The following WDR33 variants were observed in gnomAD, a reference collection of about 807,000 sequenced individuals.
The protein encoded by WDR33 is pre-mRNA 3' end processing protein WDR33.
A neutral mutation model predicts 164.9 loss-of-function variants in WDR33; 47 were observed. The observed-to-expected ratio is 0.29, with a 90% CI of 0.23 to 0.36. The LOEUF (loss-of-function observed/expected upper bound fraction) is 0.36, where lower values mean the gene tolerates loss of function less well. WDR33 is among the 10% of genes least tolerant of loss of function. The pLI is 1.00. For synonymous variants in WDR33, 505 were observed against 589.0 expected, an observed-to-expected ratio of 0.86 and a Z score of 2.06; for missense variants, 1,137 against 1,754.1, an observed-to-expected ratio of 0.65 and a Z score of 6.28.
chr2:127,805,052 A>G (rs906215732), intron 1 of WDR33, among the ~76,000 whole-genome samples: 2 of 135,338 alleles, frequency 1.5e-5, no homozygotes, highest in Non-Finnish European at 3.1e-5. Flanking sequence ...ACGTATCATC[A>G]CCTGTGAAGT....
chr2:127,719,198 T>G lies in WDR33; in HGVS notation c.2760+67A>C. 7.4e-7 allele frequency: 1 copy of G among 1,343,772 alleles called. No individual in the cohort carries two copies. Among genetic ancestry groups the G allele is most frequent in the East Asian group, 2.6e-5 (1 of 38,152 alleles). 83.2% of individuals were successfully genotyped at this position (1,343,772 alleles called of 1,614,324 possible). On this transcript the variant is annotated intron_variant, in intron 16 of 21. Coordinates refer to ENST00000322313, the MANE Select transcript of WDR33 (RefSeq NM_018383.5). The surrounding 1 kb of genome is among the most constrained non-coding windows in gnomAD (Gnocchi z 6.5). The stretch of plus-strand genomic sequence containing the variant: ...CAGCTGTGACCATTTTCCACAATAC[T>G]CAGCAGTATTACTTCTGTGCAGAGT...
chr2:127,752,767 T>C (rs1286176489), intron 7 of WDR33, among the ~76,000 whole-genome samples: 4 of 152,228 alleles, frequency 2.6e-5, no homozygotes, highest in Admixed American at 6.5e-5. Context: ...TAGGAAAATG[T>C]TGGACATGGT....
intron 1 of WDR33, among the ~76,000 whole-genome samples, chr2:127,807,543 AC>A (rs2104693495): frequency 6.6e-6 from 1 of 152,320 alleles, no homozygotes; most frequent in Non-Finnish European, 1.5e-5. Flanking sequence ...TCACACAGAC[AC>A]TAGACTAACT....
At chr2:127,806,878 A>G (rs1389208220) in intron 1 of WDR33, among the ~76,000 whole-genome samples, 1 of 152,230 alleles carries the variant, frequency 6.6e-6, no homozygotes, top group Non-Finnish European at 1.5e-5. Flanking sequence ...CTGCAATTTA[A>G]TTTCAAATCA....
At chr2:127,749,944 T>C (rs1322664216) in intron 7 of WDR33, among the ~76,000 whole-genome samples, 6 of 150,876 alleles carry the variant, frequency 4.0e-5, no homozygotes, top group African/African-American at 1.5e-4. Flanking sequence ...CACACCATTC[T>C]CTCACAGGCT....
intron 1 of WDR33, among the ~76,000 whole-genome samples, chr2:127,788,809 CA>C (rs1688730449): frequency 6.7e-6 from 1 of 148,282 alleles, no homozygotes; most frequent in Non-Finnish European, 1.5e-5. Flanking sequence ...GACCCCCCCC[CA>C]CCTCCCTCCC....
chr2:127,806,210 C>CTTT (rs200197402), intron 1 of WDR33, among the ~76,000 whole-genome samples: 15 of 132,924 alleles, frequency 1.1e-4, no homozygotes, highest in African/African-American at 3.6e-4. Context: ...TTTTCTTTTT[C>CTTT]TTTTTTTTTT....
At position 127,720,248 on chromosome 2, in the gene WDR33, G is replaced by C. The variant is rs1433638768; in HGVS notation, c.1777C>G (p.Pro593Ala). The C allele has an allele frequency of 1.3e-6, 2 of 1,571,698 alleles. No individual in the cohort carries two copies. The highest frequency in any genetic ancestry group is 1.7e-6 in the Non-Finnish European group (2 of 1,158,348). ...AAACCTTGAGGAATCTGAGACATTG[G>C]ACCTTGTCCTGGAAAAGGCTGGGGT... The part of the protein sequence containing the change: ...LGPQPFPGQG[P>A]MSQIPQGFQQ... The change falls in exon 16 of 22, where the codon CCA becomes GCA. Residue 593 changes from proline to alanine, a missense_variant. By Grantham distance (27) the Pro-to-Ala change is conservative. Around this residue, in one of 9 missense-constraint regions of WDR33, gnomAD observed 867 missense variants for 1,073.0 expected, o/e 0.81. Coordinates refer to ENST00000322313, the MANE Select transcript of WDR33 (RefSeq NM_018383.5). This position sits in a 1 kb window ranked among gnomAD's most constrained non-coding sequence, Gnocchi z 5.9.
At position 127,723,114 on chromosome 2, in the gene WDR33, AT is replaced by A; in HGVS notation, c.1292-71del. On this transcript the variant is annotated intron_variant, in intron 12 of 21. Coordinates refer to ENST00000322313, the MANE Select transcript of WDR33 (RefSeq NM_018383.5). The surrounding 1 kb of genome is among the most constrained non-coding windows in gnomAD (Gnocchi z 5.9). ...TAGCGACTGATAAAATTAATGCTTT[AT>A]AAAAATGAATGTCACTGATGATTTA... The A allele has an allele frequency of 6.9e-7, 1 of 1,450,242 alleles. No individual in the cohort carries two copies. The allele number at this position is 1,450,242 out of a possible 1,614,324, so 89.8% of individuals were successfully genotyped here.
At chr2:127,766,857 C>T (rs1344257824) in intron 4 of WDR33, among the ~76,000 whole-genome samples, 2 of 152,104 alleles carry the variant, frequency 1.3e-5, no homozygotes, top group Non-Finnish European at 2.9e-5. Flanking sequence ...GCAACCTCCA[C>T]CTCCCAGGTT....
In WDR33 at chr2:127,764,109, C is replaced by A. The variant is rs763165857; in HGVS notation, c.626+719G>T. The A allele has an allele frequency of 3.0e-6, 3 of 988,716 alleles. No individual in the cohort carries two copies. The highest frequency in any genetic ancestry group is 3.5e-5 in the African/African-American group (2 of 57,306). 61.2% of individuals were successfully genotyped at this position (988,716 alleles called of 1,614,324 possible). A position where few individuals can be genotyped will look rare whatever the true frequency, so the allele number is the denominator to read the frequency against. On this transcript the variant is annotated intron_variant, in intron 6 of 21. Coordinates refer to ENST00000322313, the MANE Select transcript of WDR33 (RefSeq NM_018383.5). The surrounding 1 kb of genome is among the most constrained non-coding windows in gnomAD (Gnocchi z 6.2). ...CAATTCTTCAGGCTTGTATTTGGAA[C>A]TTTTTCCCCCAGTTTTACTATACAT...
intron 7 of WDR33, among the ~76,000 whole-genome samples, chr2:127,757,939 A>G (rs932907503): frequency 6.6e-6 from 1 of 152,192 alleles, no homozygotes; most frequent in African/African-American, 2.4e-5. Context: ...AGACTTAACA[A>G]AAGTATTAGT....
chr2:127,727,505 A>G (rs1242009197), intron 7 of WDR33, among the ~76,000 whole-genome samples: 1 of 152,088 alleles, frequency 6.6e-6, no homozygotes, highest in Non-Finnish European at 1.5e-5. Flanking sequence ...GAAGGGTTAA[A>G]TAACACATCC....
At chr2:127,737,184 C>G in intron 7 of WDR33, 4 of 985,292 alleles carry the variant, frequency 4.1e-6, no homozygotes, top group Non-Finnish European at 4.8e-6. Flanking sequence ...AGGAATGTGG[C>G]AATCAAATAT....
At chr2:127,711,778 A>ATTTTTTTTTT (rs1375261650) in intron 18 of WDR33, among the ~76,000 whole-genome samples, 9 of 93,034 alleles carry the variant, frequency 9.7e-5, no homozygotes, top group East Asian at 2.8e-4. Context: ...ATATATATAT[A>ATTTTTTTTTT]TATTTTTTTT....
chr2:127,724,368 C>G lies in WDR33; in HGVS notation c.1161G>C (p.Gly387=). The G allele has an allele frequency of 6.2e-7, 1 of 1,614,134 alleles. No homozygotes were observed. The highest frequency in any genetic ancestry group is 8.5e-7 in the Non-Finnish European group (1 of 1,180,020). Residue 387 remains glycine, a synonymous_variant, in exon 11 of 22, where the codon GGG becomes GGC. Transcript: ENST00000322313. This position sits in a 1 kb window ranked among gnomAD's most constrained non-coding sequence, Gnocchi z 4.8. ...MIWSLAWHPL[G]HILCSGSNDH... ...CATTTGAGCCTGAGCAGAGAATATGCCCAAGAGGATGCCAAGCCAGACTCC... is the reference window on the plus strand; with the variant it reads ...CATTTGAGCCTGAGCAGAGAATATGGCCAAGAGGATGCCAAGCCAGACTCC...
At chr2:127,758,987 T>C (rs1032980967) in intron 7 of WDR33, among the ~76,000 whole-genome samples, 1 of 152,230 alleles carries the variant, frequency 6.6e-6, no homozygotes, top group Admixed American at 6.5e-5. Flanking sequence ...ACCTATAGGC[T>C]CATTTAGTCT....
At chr2:127,771,065 A>G in intron 1 of WDR33, 61 bp from the exon 2 acceptor site, 1 of 1,259,278 alleles carries the variant, frequency 7.9e-7, no homozygotes, top group Non-Finnish European at 1.1e-6. Context: ...GCCTGAAAAC[A>G]TTTTTAAATG....
Position 127,737,592 on chromosome 2 carries a change from T to C in WDR33, c.725-10815A>G, listed in dbSNP as rs530094105. On this transcript the variant is annotated intron_variant, in intron 7 of 21. Coordinates refer to ENST00000322313, the MANE Select transcript of WDR33 (RefSeq NM_018383.5). ...CTATTAGAAAGGCCAGTACCTACAC[T>C]ACGTTAATAATAGATGTATTAGTGC... The C allele has an allele frequency of 3.0e-5, 30 of 996,028 alleles. No homozygotes were observed. In the South Asian group the frequency reaches 1.2e-3, roughly 41 times the overall value. 61.7% of individuals were successfully genotyped at this position (996,028 alleles called of 1,614,324 possible).
Sources: allele counts gnomAD v4.1 joint callset (sites outside exome capture counted in the v4.1 genomes callset), GRCh38; gene constraint gnomAD v4.1.1; regional missense constraint gnomAD v4.1.1; non-coding constraint Gnocchi (gnomAD v3.1); transcripts MANE v1.5; gene names NCBI Gene and HGNC (gene_info 2026-07-23, HGNC 2026-07-21).